Variants in EFHD1 observed in about 807,000 individuals in gnomAD.
EFHD1 encodes EF-hand domain-containing protein D1.
Under a neutral mutation model 17.2 loss-of-function variants are expected in EFHD1, and 10 were observed. The observed-to-expected ratio is 0.58, with a 90% confidence interval of 0.36 to 0.99. The LOEUF is 0.99. EFHD1 is among the 50% of genes least tolerant of loss of function. The pLI, the probability that EFHD1 is intolerant of heterozygous loss-of-function variation, is 0.01. For synonymous variants in EFHD1, 153 were observed against 142.0 expected, an observed-to-expected ratio of 1.08 and a Z score of -0.55; for missense variants, 310 against 327.5, an observed-to-expected ratio of 0.95 and a Z score of 0.41.
intron 1 of EFHD1, chr2:232,661,924 T>C (rs955645949): frequency 1.3e-5 from 2 of 152,182 alleles, no homozygotes; most frequent in Non-Finnish European, 2.9e-5. Context: ...TTCCACCTTT[T>C]GGCTGTTGTA....
chr2:232,641,952 C>T (rs1237221590), intron 1 of EFHD1, among the ~76,000 whole-genome samples: 4 of 152,174 alleles, frequency 2.6e-5, no homozygotes, highest in East Asian at 1.9e-4. Flanking sequence ...GCTTCTTCTG[C>T]GGGCTGAGGA....
intron 1 of EFHD1, among the ~76,000 whole-genome samples, chr2:232,619,986 C>T (rs367817057): frequency 6.6e-6 from 1 of 152,250 alleles, no homozygotes; most frequent in East Asian, 1.9e-4. Context: ...TCAGCAGGGT[C>T]TCACTCCAGA....
In EFHD1 at chr2:232,618,010, CAATTT is replaced by C. The variant is rs541701157; in HGVS notation, c.14+11849_14+11853del. Among the ~76,000 whole-genome samples the C allele has an allele frequency of 2.2e-3, 334 of 150,250 alleles. 2 individuals are homozygous for C. Among genetic ancestry groups the C allele is most frequent in the African/African-American group, 7.9e-3 (324 of 40,956 alleles). The stretch of plus-strand genomic sequence containing the variant: ...CTCAACAGTAAAAAGATAAATAAAC[CAATTT>C]AATTTAATTTATTTATTTATTTGAG... On this transcript the variant is annotated intron_variant, in intron 1 of 3. Transcript: ENST00000409613.
intron 3 of EFHD1, 107 bp from the exon 4 acceptor site, chr2:232,681,478 C>G: frequency 6.7e-7 from 1 of 1,482,660 alleles, no homozygotes; most frequent in East Asian, 2.3e-5. Context: ...GGCCCACATT[C>G]CCTTGTCTCT....
upstream of EFHD1, among the ~76,000 whole-genome samples, chr2:232,630,619 G>A (rs941206885): frequency 2.6e-5 from 4 of 152,008 alleles, no homozygotes; most frequent in Admixed American, 2.0e-4. Flanking sequence ...ATGAAAAAGT[G>A]AAATTTTGTT....
chr2:232,625,208 G>A lies in EFHD1; in HGVS notation c.14+19035G>A, dbSNP rs116051435. The stretch of plus-strand genomic sequence containing the variant: ...CAGTGGCGCAATCACAGCTCACTGC[G>A]GCTTTGATCTCTTAGGCTCAAGCAA... On this transcript the variant is annotated intron_variant, in intron 1 of 3. Transcript: ENST00000409613. Among the ~76,000 whole-genome samples the A allele has an allele frequency of 8.4e-3, 1,284 of 152,102 alleles. 20 individuals carry two copies. The highest frequency in any genetic ancestry group is 0.029 in the African/African-American group (1,220 of 41,500).
At chr2:232,648,651 C>T (rs1279243365) in intron 1 of EFHD1, among the ~76,000 whole-genome samples, 1 of 152,050 alleles carries the variant, frequency 6.6e-6, no homozygotes, top group Non-Finnish European at 1.5e-5. Context: ...CTGTGCTGCC[C>T]TTCTCTGCCT....
chr2:232,607,102 C>T (rs979411085), intron 1 of EFHD1, among the ~76,000 whole-genome samples: 3 of 151,700 alleles, frequency 2.0e-5, no homozygotes, highest in African/African-American at 7.3e-5. Flanking sequence ...AGCGATTCTC[C>T]CACCTCAGCC....
intron 1 of EFHD1, chr2:232,638,536 T>G (rs1574712037): frequency 2.2e-6 from 1 of 459,058 alleles, no homozygotes; most frequent in East Asian, 7.0e-5. Flanking sequence ...TCTCCCAGTT[T>G]CTTTTTCTCC....
At chr2:232,641,404 T>C (rs1452361996) in intron 1 of EFHD1, among the ~76,000 whole-genome samples, 5 of 152,134 alleles carry the variant, frequency 3.3e-5, no homozygotes, top group Non-Finnish European at 7.4e-5. Context: ...GGAGTTTCAC[T>C]GGAAGGGAGG....
chr2:232,623,324 G>C (rs912525251), intron 1 of EFHD1, among the ~76,000 whole-genome samples: 5 of 152,172 alleles, frequency 3.3e-5, no homozygotes, highest in Non-Finnish European at 7.3e-5. Flanking sequence ...GGGATTACTG[G>C]TGTGAGTCAC....
At chr2:232,606,215 G>A in intron 1 of EFHD1, 3 of 1,548,184 alleles carry the variant, frequency 1.9e-6, no homozygotes, top group Non-Finnish European at 2.6e-6. Flanking sequence ...GAGAGTCTAC[G>A]ATTTTCGACG....
At chr2:232,609,047 A>G (rs917923117) in intron 1 of EFHD1, among the ~76,000 whole-genome samples, 10 of 147,742 alleles carry the variant, frequency 6.8e-5, no homozygotes, top group African/African-American at 2.3e-4. Context: ...CATGAGATGC[A>G]TAAGTTCTTT....
At chr2:232,667,248 G>C (rs1694983524) in intron 2 of EFHD1, among the ~76,000 whole-genome samples, 1 of 152,190 alleles carries the variant, frequency 6.6e-6, no homozygotes, top group Admixed American at 6.5e-5. Context: ...GGTCATGGTT[G>C]ATCAGACCAT....
At chr2:232,612,859 A>G (rs1455324897) in intron 1 of EFHD1, among the ~76,000 whole-genome samples, 1 of 151,336 alleles carries the variant, frequency 6.6e-6, no homozygotes, top group African/African-American at 2.4e-5. Flanking sequence ...CAGCCTCCCA[A>G]GTAGGTGGGA....
chr2:232,614,391 C>CTCTG (rs1693880256), intron 1 of EFHD1, among the ~76,000 whole-genome samples: 1 of 152,174 alleles, frequency 6.6e-6, no homozygotes, highest in Admixed American at 6.6e-5. Flanking sequence ...CCCCTTCCTC[C>CTCTG]TCTGCCTCCT....
intron 1 of EFHD1, among the ~76,000 whole-genome samples, chr2:232,620,354 G>A (rs1321150214): frequency 1.3e-5 from 2 of 149,682 alleles, no homozygotes; most frequent in Admixed American, 1.3e-4. Context: ...CGCCACTGCA[G>A]TCCGGCCTGG....
intron 1 of EFHD1, among the ~76,000 whole-genome samples, chr2:232,654,593 GT>G (rs911656051): frequency 1.3e-5 from 2 of 151,788 alleles, no homozygotes; most frequent in African/African-American, 4.8e-5. Context: ...CACCAGGCTA[GT>G]TTTTTGTATT....
At chr2:232,631,626 G>A (rs141016329), upstream of EFHD1, among the ~76,000 whole-genome samples, 1,237 of 148,518 alleles carry the variant, frequency 8.3e-3, 11 homozygotes, top group African/African-American at 0.028. Flanking sequence ...GTTTCTTGTT[G>A]ATGGAGACTA....
Sources: gnomAD v4.1 joint callset for allele counts (sites outside exome capture counted in the v4.1 genomes callset) on GRCh38, gnomAD v4.1.1 for gene constraint, MANE v1.5 for transcripts, NCBI Gene and HGNC (gene_info 2026-07-23, HGNC 2026-07-21) for gene names.